Variants in BTBD16 observed in about 807,000 individuals in gnomAD.
The protein encoded by BTBD16 is BTB/POZ domain-containing protein 16.
Under a neutral mutation model 67.4 loss-of-function variants are expected in BTBD16, and 66 were observed. The ratio of observed to expected loss-of-function variants is 0.98; its 90% CI spans 0.80 to 1.20. BTBD16 has a LOEUF of 1.20. Ranked by LOEUF, BTBD16 falls within the 50% of genes most tolerant of loss-of-function variation. The probability of loss-of-function intolerance (pLI) is 0.00; values close to 1 mark genes in which losing one functional copy is unlikely to be tolerated. For synonymous variants in BTBD16, 242 were observed against 236.4 expected, an observed-to-expected ratio of 1.02 and a Z score of -0.22; for missense variants, 634 against 616.0, an observed-to-expected ratio of 1.03 and a Z score of -0.31.
At chr10:122,278,367 C>T (rs1168244396) in intron 3 of BTBD16, among the ~76,000 whole-genome samples, 1 of 152,150 alleles carries the variant, frequency 6.6e-6, no homozygotes, top group Non-Finnish European at 1.5e-5. Context: ...AGTGGCTAAC[C>T]CTCTTTGGGC....
Position 122,334,494 on chromosome 10 carries a change from C to CTTTTTT in BTBD16, c.1165-362_1165-357dup, listed in dbSNP as rs869262992. On this transcript the variant is annotated intron_variant, in intron 13 of 15. Transcript: ENST00000260723. ...ACAGGTGTGAGCCACCGTGCCCGGC[C>CTTTTTT]TTTTTTTTTTTTTTTTTTTTTTTTT... Among the ~76,000 whole-genome samples, 61 of 43,286 alleles carry CTTTTTT rather than the reference C, an allele frequency of 1.4e-3. 13 individuals carry two copies. The highest frequency in any genetic ancestry group is 7.2e-3 in the African/African-American group (58 of 8,084). 28.4% of individuals were successfully genotyped at this position (43,286 alleles called of 152,430 possible). A position where few individuals can be genotyped will look rare whatever the true frequency, so the allele number is the denominator to read the frequency against.
Position 122,301,838 on chromosome 10 carries a change from A to T in BTBD16, c.791+2704A>T, listed in dbSNP as rs187891282. On this transcript the variant is annotated intron_variant, in intron 9 of 15. Transcript: ENST00000260723. ...TCACAGTTATTATCCCTGATATAAG[A>T]GGGCTAACGATGGGCAGGGCAGGGC... 6.8e-4 allele frequency among the ~76,000 whole-genome samples: 103 copies of T among 152,266 alleles called. 1 individual carries two copies. Among genetic ancestry groups the T allele is most frequent in the Admixed American group, 6.1e-3 (93 of 15,300 alleles).
At chr10:122,334,050 T>C (rs1036209908) in intron 13 of BTBD16, among the ~76,000 whole-genome samples, 1 of 152,208 alleles carries the variant, frequency 6.6e-6, no homozygotes, top group Non-Finnish European at 1.5e-5. Flanking sequence ...TTGTTACTAG[T>C]AATTACTACT....
At position 122,331,248 on chromosome 10, in the gene BTBD16, A is replaced by G. The variant is rs766617521; in HGVS notation, c.1076A>G (p.His359Arg). Residue 359 changes from histidine to arginine, a missense_variant, in exon 12 of 16, where the codon CAT (histidine) becomes CGT (arginine). His to Arg is a conservative substitution (Grantham distance 29, BLOSUM62 0). Coordinates refer to ENST00000260723, the MANE Select transcript of BTBD16 (RefSeq NM_144587.5). ...TGGCTCGACCAGGTTACAGTCAACC[A>G]TTACCACGCAGTGAGTTGCCTGCTC... ...ESWLDQVTVN[H>R]YHALENGGDM... 6 of 1,613,586 alleles carry G rather than the reference A, an allele frequency of 3.7e-6. No individual in the cohort carries two copies. The South Asian group carries it at 5.5e-5, about 15-fold the overall frequency.
intron 7 of BTBD16, chr10:122,294,148 C>T (rs1243494696): frequency 3.0e-6 from 3 of 985,320 alleles, no homozygotes; most frequent in Admixed American, 6.1e-5. Context: ...CCAGGGCGGG[C>T]CTGCACATAG....
intron 7 of BTBD16, among the ~76,000 whole-genome samples, chr10:122,295,853 T>G (rs570638239): frequency 8.5e-4 from 129 of 152,266 alleles, no homozygotes; most frequent in African/African-American, 2.9e-3. Flanking sequence ...GTAGAGTGCC[T>G]TGGCCATGAC....
chr10:122,307,318 C>T lies in BTBD16; in HGVS notation c.911+10C>T. 6.3e-7 allele frequency: 1 copy of T among 1,593,890 alleles called. No individual in the cohort carries two copies. The highest frequency in any genetic ancestry group is 8.5e-7 in the Non-Finnish European group (1 of 1,172,732). Reference sequence around the variant, plus strand: ...TGACATTTTTTAAGAGGTAATATAACTTAGTGTTGATTGATGAAATACACA... The same window carrying T: ...TGACATTTTTTAAGAGGTAATATAATTTAGTGTTGATTGATGAAATACACA... On this transcript the variant is annotated intron_variant, in intron 10 of 15. Transcript: ENST00000260723.
chr10:122,301,987 G>A (rs2096394876), intron 9 of BTBD16, among the ~76,000 whole-genome samples: 1 of 152,200 alleles, frequency 6.6e-6, no homozygotes, highest in East Asian at 1.9e-4. Flanking sequence ...AAGGAGTCAC[G>A]TGGCCCCGGA....
At chr10:122,304,055 G>C (rs559930297) in intron 9 of BTBD16, among the ~76,000 whole-genome samples, 1 of 152,080 alleles carries the variant, frequency 6.6e-6, no homozygotes, top group East Asian at 1.9e-4. Context: ...AGGACCTCAG[G>C]TGTGGAGTCT....
intron 10 of BTBD16, among the ~76,000 whole-genome samples, chr10:122,325,791 T>C (rs745945978): frequency 9.2e-5 from 14 of 152,062 alleles, no homozygotes; most frequent in Non-Finnish European, 1.9e-4. Context: ...TGCTCCTGCC[T>C]CAGCCACCCG....
chr10:122,277,485 G>T, intron 3 of BTBD16, among the ~76,000 whole-genome samples: 1 of 152,104 alleles, frequency 6.6e-6, no homozygotes, highest in East Asian at 1.9e-4. Flanking sequence ...AATTTATAAA[G>T]AAAAAAGGTT....
intron 10 of BTBD16, among the ~76,000 whole-genome samples, chr10:122,310,442 G>A (rs1238978479): frequency 6.6e-6 from 1 of 152,182 alleles, no homozygotes; most frequent in Non-Finnish European, 1.5e-5. Flanking sequence ...CAGCTGCCCC[G>A]AGGTACCTCT....
intron 10 of BTBD16, among the ~76,000 whole-genome samples, chr10:122,309,774 A>AT (rs5788543): frequency 0.57 from 77,648 of 136,626 alleles, 22,036 homozygotes; most frequent in East Asian, 0.87. Flanking sequence ...TGCTGAGTAC[A>AT]TTTTTTTTTT....
intron 3 of BTBD16, among the ~76,000 whole-genome samples, chr10:122,279,830 G>A (rs555352745): frequency 6.6e-6 from 1 of 152,270 alleles, no homozygotes; most frequent in South Asian, 2.1e-4. Context: ...TCCCACCTGG[G>A]GGTGCTGTCT....
intron 10 of BTBD16, among the ~76,000 whole-genome samples, chr10:122,326,883 G>A (rs543331464): frequency 6.6e-6 from 1 of 152,320 alleles, no homozygotes; most frequent in African/African-American, 2.4e-5. Context: ...CACAAACAGA[G>A]CGCAGTACCA....
intron 10 of BTBD16, among the ~76,000 whole-genome samples, chr10:122,329,210 C>T (rs927427): frequency 0.56 from 85,306 of 152,026 alleles, 24,358 homozygotes; most frequent in East Asian, 0.86. Context: ...ACACATTTAT[C>T]GAGCACCTAC....
intron 9 of BTBD16, 124 bp downstream of exon 9, chr10:122,299,258 C>A: frequency 8.2e-7 from 1 of 1,216,996 alleles, no homozygotes; most frequent in Non-Finnish European, 1.1e-6. Context: ...CCCTCCTGGA[C>A]AGCTGAGCCT....
chr10:122,323,085 A>G (rs912853285), intron 10 of BTBD16, among the ~76,000 whole-genome samples: 1 of 152,170 alleles, frequency 6.6e-6, no homozygotes. Context: ...AATGTTCTTT[A>G]ATGGTGGTTT....
chr10:122,285,670 C>A (rs2096362231), intron 4 of BTBD16, among the ~76,000 whole-genome samples: 1 of 151,806 alleles, frequency 6.6e-6, no homozygotes, highest in Admixed American at 6.5e-5. Context: ...CGGGACAGCA[C>A]CCCAACAGGC....
Sources: gnomAD v4.1 joint callset for allele counts (sites outside exome capture counted in the v4.1 genomes callset) on GRCh38, gnomAD v4.1.1 for gene constraint, MANE v1.5 for transcripts, NCBI Gene and HGNC (gene_info 2026-07-23, HGNC 2026-07-21) for gene names.